The following TRAPPC9 variants were observed in gnomAD, a reference collection of about 807,000 sequenced individuals.
TRAPPC9 encodes the protein trafficking protein particle complex subunit 9, also known as IKK2 binding protein.
In TRAPPC9, 83 loss-of-function variants were observed where a neutral mutation model predicts 124.0. The observed-to-expected ratio is 0.67, with a 90% CI of 0.56 to 0.80. The LOEUF (loss-of-function observed/expected upper bound fraction) is 0.80, where lower values mean the gene tolerates loss of function less well. Ranked by LOEUF, TRAPPC9 falls within the 30% of genes least tolerant of loss-of-function variation. The pLI is 0.00. For missense variants in TRAPPC9, 1,302 were observed against 1,508.3 expected (o/e 0.86, Z 2.27); for synonymous variants, 638 against 617.5 (o/e 1.03, Z -0.49).
At chr8:140,184,711 G>A (rs531590424) in intron 17 of TRAPPC9, among the ~76,000 whole-genome samples, 1 of 152,292 alleles carries the variant, frequency 6.6e-6, no homozygotes, top group Admixed American at 6.5e-5. Flanking sequence ...GCCTCCCAAA[G>A]TGCTGGCATT....
intron 19 of TRAPPC9, among the ~76,000 whole-genome samples, chr8:139,964,771 A>G (rs189841671): frequency 6.6e-4 from 100 of 152,316 alleles, no homozygotes; most frequent in African/African-American, 2.4e-3. Flanking sequence ...AACAAATTTG[A>G]GGAAAAATAA....
At position 139,961,481 on chromosome 8, in the gene TRAPPC9, C is replaced by T. The variant is rs1835370776; in HGVS notation, c.2810+27245G>A. ...CGGAGCAGGCAAGAGCCCCACCCTA[C>T]TGGGCAGGGCTACAGCCACTGAAAC... On this transcript the variant is annotated intron_variant, in intron 19 of 22. Transcript: ENST00000438773. Among the ~76,000 whole-genome samples, 4 of 123,884 alleles carry T rather than the reference C, an allele frequency of 3.2e-5. 1 individual carries two copies. Among genetic ancestry groups the T allele is most frequent in the African/African-American group, 7.6e-5 (3 of 39,270 alleles). 81.3% of individuals were successfully genotyped at this position (123,884 alleles called of 152,430 possible).
intron 17 of TRAPPC9, among the ~76,000 whole-genome samples, chr8:140,086,576 T>G (rs992942030): frequency 1.3e-5 from 2 of 152,106 alleles, no homozygotes; most frequent in African/African-American, 4.8e-5. Flanking sequence ...TCTTCCACTG[T>G]TCAATCCTTG....
intron 21 of TRAPPC9, among the ~76,000 whole-genome samples, chr8:139,791,278 C>T (rs1163177605): frequency 5.9e-5 from 9 of 151,742 alleles, no homozygotes; most frequent in African/African-American, 1.2e-4. Flanking sequence ...CACAGGCGCC[C>T]GTCTCCCCTG....
At chr8:140,401,700 C>T (rs13266570) in intron 6 of TRAPPC9, among the ~76,000 whole-genome samples, 47,241 of 151,894 alleles carry the variant, frequency 0.31, 7,732 homozygotes, top group South Asian at 0.43. Context: ...CACAGCTCAT[C>T]GTAGCCTCAA....
At chr8:139,886,376 C>A (rs549966127) in intron 20 of TRAPPC9, among the ~76,000 whole-genome samples, 1 of 152,354 alleles carries the variant, frequency 6.6e-6, no homozygotes, top group South Asian at 2.1e-4. Context: ...ATGCTGGTTT[C>A]ACGTCGGTCC....
chr8:140,413,655 C>A (rs13262952), intron 5 of TRAPPC9, among the ~76,000 whole-genome samples: 1 of 101,126 alleles, frequency 9.9e-6, no homozygotes, highest in Admixed American at 1.3e-4. Flanking sequence ...TGCTATCCCT[C>A]CCCCCTCCCC....
chr8:139,737,768 C>T (rs1023531281), intron 21 of TRAPPC9, among the ~76,000 whole-genome samples: 3 of 152,178 alleles, frequency 2.0e-5, no homozygotes, highest in Admixed American at 6.5e-5. Context: ...ACCTCTCTGA[C>T]GCCCCAGTCT....
At chr8:140,337,761 C>A (rs1252980779) in intron 9 of TRAPPC9, among the ~76,000 whole-genome samples, 2 of 152,100 alleles carry the variant, frequency 1.3e-5, no homozygotes, top group Non-Finnish European at 2.9e-5. Flanking sequence ...GAGGTGGAGC[C>A]AAGGCTTAGG....
chr8:139,800,834 C>T (rs1359762295), intron 21 of TRAPPC9, among the ~76,000 whole-genome samples: 4 of 149,346 alleles, frequency 2.7e-5, no homozygotes, highest in East Asian at 4.0e-4. Context: ...ACCTTCCCTC[C>T]GTCCGGTACC....
At chr8:140,454,982 T>A (rs570463691) in intron 1 of TRAPPC9, among the ~76,000 whole-genome samples, 1 of 150,732 alleles carries the variant, frequency 6.6e-6, no homozygotes, top group East Asian at 1.9e-4. Flanking sequence ...AGTTCTGGTA[T>A]CTGAGACTAA....
At position 139,960,664 on chromosome 8, in the gene TRAPPC9, G is replaced by A. The variant is rs1388135250; in HGVS notation, c.2810+28062C>T. On this transcript the variant is annotated intron_variant, in intron 19 of 22. Transcript: ENST00000438773. ...TAGGCCAGGACTCACCAATCTCTCC[G>A]TCCTCAACGGAGAAGCCAGAATCCT... Among the ~76,000 whole-genome samples the A allele has an allele frequency of 7.9e-5, 5 of 63,224 alleles. 2 individuals carry two copies. In the South Asian group the frequency reaches 1.7e-3, roughly 21 times the overall value. The allele number at this position is 63,224 out of a possible 152,430, so 41.5% of individuals were successfully genotyped here.
chr8:140,381,389 C>A (rs1359073134), intron 7 of TRAPPC9, among the ~76,000 whole-genome samples: 1 of 151,890 alleles, frequency 6.6e-6, no homozygotes, highest in East Asian at 1.9e-4. Context: ...CAAAGAGGAC[C>A]AGGCGCAGTG....
In TRAPPC9 at chr8:140,360,165, C is replaced by G. The variant is rs780580771; in HGVS notation, c.1380G>C (p.Gln460His). The G allele has an allele frequency of 1.2e-6, 2 of 1,614,096 alleles. No individual in the cohort carries two copies. Among genetic ancestry groups the G allele is most frequent in the African/African-American group, 2.7e-5 (2 of 74,926 alleles). ...AGACCAATTCATGGAGCAAACGCATCTGGACCGCAGCCCAGCCTCTGTGCG... is the reference window on the plus strand; with the variant it reads ...AGACCAATTCATGGAGCAAACGCATGTGGACCGCAGCCCAGCCTCTGTGCG... Reference protein sequence around the residue: ...RGTHRGWAAVQMRLLHELVYA... With the variant: ...RGTHRGWAAVHMRLLHELVYA... The change falls in exon 9 of 23, where the codon CAG becomes CAC. Residue 460 changes from glutamine to histidine, a missense_variant. Transcript: ENST00000438773.
intron 21 of TRAPPC9, among the ~76,000 whole-genome samples, chr8:139,763,863 G>C (rs564651450): frequency 6.6e-6 from 1 of 152,336 alleles, no homozygotes; most frequent in Admixed American, 6.5e-5. Context: ...GTGTGGAAGG[G>C]GTCAGGTGTT....
chr8:139,963,716 C>A (rs1835493860), intron 19 of TRAPPC9, among the ~76,000 whole-genome samples: 1 of 134,254 alleles, frequency 7.4e-6, no homozygotes, highest in Admixed American at 8.2e-5. Flanking sequence ...GCGTCGGAAC[C>A]AGTGAGGGAT....
At chr8:139,862,711 A>G (rs1370070270) in intron 21 of TRAPPC9, among the ~76,000 whole-genome samples, 1 of 152,212 alleles carries the variant, frequency 6.6e-6, no homozygotes, top group South Asian at 2.1e-4. Flanking sequence ...TGCTCTGTGC[A>G]TACTCAGCAA....
chr8:140,040,062 C>T (rs1841165807), intron 17 of TRAPPC9: 1 of 152,178 alleles, frequency 6.6e-6, no homozygotes, highest in Non-Finnish European at 1.5e-5. Context: ...GTCTACAACT[C>T]CCTTAAGAAA....
intron 21 of TRAPPC9, among the ~76,000 whole-genome samples, chr8:139,840,327 CATTT>C (rs1826642650): frequency 1.3e-5 from 2 of 152,246 alleles, no homozygotes; most frequent in African/African-American, 4.8e-5. Flanking sequence ...CTCACTCATT[CATTT>C]TTCACTGGTT....
Sources: gnomAD v4.1 joint callset for allele counts (sites outside exome capture counted in the v4.1 genomes callset) on GRCh38, gnomAD v4.1.1 for gene constraint, MANE v1.5 for transcripts, NCBI Gene and HGNC (gene_info 2026-07-23, HGNC 2026-07-21) for gene names.